CNOT10: variants seen among roughly 807,000 people sequenced by gnomAD.
CNOT10 encodes CCR4-NOT transcription complex, subunit 10.
Under a neutral mutation model 94.6 loss-of-function variants are expected in CNOT10, and 30 were observed. The observed-to-expected ratio is 0.32, with a 90% CI of 0.24 to 0.43. The LOEUF is 0.43. Ranked by LOEUF, CNOT10 falls within the 20% of genes least tolerant of loss-of-function variation. The pLI, the probability that CNOT10 is intolerant of heterozygous loss-of-function variation, is 1.00. For synonymous variants in CNOT10, 289 were observed against 301.6 expected (o/e 0.96, Z 0.43); for missense variants, 759 against 877.2 (o/e 0.87, Z 1.70).
chr3:32,715,048 A>G (rs1254191701), intron 5 of CNOT10, among the ~76,000 whole-genome samples: 2 of 152,198 alleles, frequency 1.3e-5, no homozygotes, highest in African/African-American at 2.4e-5. Flanking sequence ...TAAAATATTT[A>G]TATTCAGTAC....
At chr3:32,717,269 TTG>T (rs201528016) in intron 7 of CNOT10, 32 bp downstream of exon 7, 180,575 of 1,368,438 alleles carry the variant, frequency 0.13, 13,847 homozygotes, top group Non-Finnish European at 0.15. Flanking sequence ...GTTTTTCAAT[TTG>T]TGTCTTTCTT....
chr3:32,767,500 CAA>C (rs1160512377), intron 17 of CNOT10, among the ~76,000 whole-genome samples: 4 of 108,872 alleles, frequency 3.7e-5, no homozygotes, highest in Non-Finnish European at 5.1e-5. Flanking sequence ...GCCTGGGCAA[CAA>C]GAGCGAAACT....
At chr3:32,759,098 G>A (rs1364334117) in intron 13 of CNOT10, among the ~76,000 whole-genome samples, 1 of 151,604 alleles carries the variant, frequency 6.6e-6, no homozygotes, top group Non-Finnish European at 1.5e-5. Flanking sequence ...AAACTTCTAT[G>A]GAAGTTAGTT....
intron 7 of CNOT10, among the ~76,000 whole-genome samples, chr3:32,719,246 C>G (rs1303346086): frequency 2.0e-5 from 3 of 152,002 alleles, no homozygotes; most frequent in Non-Finnish European, 4.4e-5. Flanking sequence ...GAGACTCCGT[C>G]TAAAAACAAA....
In CNOT10 at chr3:32,727,293, A is replaced by AC. The variant is rs200631912; in HGVS notation, c.1013-368dup. 3.5e-3 allele frequency among the ~76,000 whole-genome samples: 531 copies of AC among 151,848 alleles called. 2 individuals carry two copies. Among genetic ancestry groups the AC allele is most frequent in the Middle Eastern group, 0.027 (8 of 292 alleles). On this transcript the variant is annotated intron_variant, in intron 9 of 18. Coordinates refer to ENST00000328834, the MANE Select transcript of CNOT10 (RefSeq NM_015442.3). ...AGACCAGCCTGGGCAACATAGTGAG[A>AC]CCCCCCCATCTCTACAAAAATAAAA...
intron 1 of CNOT10, among the ~76,000 whole-genome samples, chr3:32,698,599 A>T (rs1201129635): frequency 6.6e-6 from 1 of 152,184 alleles, no homozygotes; most frequent in Non-Finnish European, 1.5e-5. Context: ...AGCTATATTT[A>T]TTTAGCATCT....
intron 1 of CNOT10, among the ~76,000 whole-genome samples, chr3:32,686,891 G>C (rs1696625376): frequency 1.3e-5 from 2 of 152,176 alleles, no homozygotes; most frequent in African/African-American, 4.8e-5. Context: ...CAAAGATTGA[G>C]TGTTGAATAA....
At chr3:32,717,115 C>A in intron 6 of CNOT10, 39 bp from the exon 7 acceptor site, 3 of 1,188,536 alleles carry the variant, frequency 2.5e-6, no homozygotes, top group Non-Finnish European at 2.4e-6. Flanking sequence ...TATGTAAATC[C>A]ACCATAGTTT....
chr3:32,736,668 G>A (rs1324355732), intron 12 of CNOT10, among the ~76,000 whole-genome samples: 2 of 152,106 alleles, frequency 1.3e-5, no homozygotes, highest in Non-Finnish European at 2.9e-5. Flanking sequence ...CCAGCTACTT[G>A]GGAGGCTGGT....
chr3:32,727,397 TTA>T (rs1698725769), intron 9 of CNOT10, among the ~76,000 whole-genome samples: 2 of 152,276 alleles, frequency 1.3e-5, no homozygotes, highest in Non-Finnish European at 2.9e-5. Flanking sequence ...GTCCCATCAC[TTA>T]TCTTTGCCTT....
At chr3:32,730,949 T>G (rs1698915015) in intron 10 of CNOT10, 1 of 152,194 alleles carries the variant, frequency 6.6e-6, no homozygotes, top group Admixed American at 6.6e-5. Flanking sequence ...AGGTATGGAT[T>G]ATTATTCTAC....
chr3:32,703,358 C>T (rs562383590), intron 1 of CNOT10, among the ~76,000 whole-genome samples: 97 of 152,170 alleles, frequency 6.4e-4, no homozygotes, highest in Middle Eastern at 6.8e-3. Flanking sequence ...CAGGGTCCTC[C>T]GGTGGATACT....
intron 1 of CNOT10, among the ~76,000 whole-genome samples, chr3:32,696,341 A>C (rs1389954672): frequency 6.6e-6 from 1 of 151,330 alleles, no homozygotes; most frequent in Non-Finnish European, 1.5e-5. Context: ...GAAGAAGAAG[A>C]AATGGGGTCT....
chr3:32,729,974 T>TA (rs2125571129), intron 10 of CNOT10, among the ~76,000 whole-genome samples: 1 of 151,606 alleles, frequency 6.6e-6, no homozygotes, highest in African/African-American at 2.4e-5. Context: ...TTCACCGTTT[T>TA]AGCCGGGATG....
chr3:32,740,423 A>T (rs746155370), intron 13 of CNOT10, among the ~76,000 whole-genome samples: 77 of 152,240 alleles, frequency 5.1e-4, no homozygotes, highest in Non-Finnish European at 4.0e-4. Flanking sequence ...AGATCGTGCT[A>T]TTGCCTAGAC....
chr3:32,717,753 C>A (rs1698187967), intron 7 of CNOT10, among the ~76,000 whole-genome samples: 1 of 151,988 alleles, frequency 6.6e-6, no homozygotes. Flanking sequence ...GTAGTCCCAG[C>A]CACTAGGGAG....
At chr3:32,727,933 TAAAAA>T in intron 10 of CNOT10, 63 bp downstream of exon 10, 2 of 771,732 alleles carry the variant, frequency 2.6e-6, no homozygotes, top group Non-Finnish European at 3.9e-6. Context: ...ATGGAATGGT[TAAAAA>T]AAAAAAAAAA....
chr3:32,743,103 A>G (rs1025894955), intron 13 of CNOT10, among the ~76,000 whole-genome samples: 1 of 149,990 alleles, frequency 6.7e-6, no homozygotes. Context: ...CTCCTGCCTC[A>G]GCCTCCCAAG....
chr3:32,715,888 C>T (rs1698096200), intron 5 of CNOT10: 1 of 178,394 alleles, frequency 5.6e-6, no homozygotes, highest in Non-Finnish European at 1.2e-5. Context: ...TCACTGCAGC[C>T]TTGATCTCCT....
Sources: allele counts gnomAD v4.1 joint callset (sites outside exome capture counted in the v4.1 genomes callset), GRCh38; gene constraint gnomAD v4.1.1; transcripts MANE v1.5; gene names NCBI Gene and HGNC (gene_info 2026-07-23, HGNC 2026-07-21).